Variants in VRK2 observed in about 807,000 individuals in gnomAD.
VRK2 encodes the protein VRK serine/threonine kinase 2, also known as serine/threonine-protein kinase VRK2.
VRK2 carries 60 observed loss-of-function variants against 57.6 expected under a neutral mutation model. The ratio of observed to expected loss-of-function variants is 1.04; its 90% CI spans 0.85 to 1.29. The LOEUF (loss-of-function observed/expected upper bound fraction) is 1.29. Ranked by LOEUF, VRK2 falls within the 50% of genes most tolerant of loss-of-function variation. The pLI, the probability that VRK2 is intolerant of heterozygous loss-of-function variation, is 0.00. For missense variants in VRK2, 705 were observed against 588.1 expected (o/e 1.20, Z -2.06); for synonymous variants, 231 against 199.2 (o/e 1.16, Z -1.35).
intron 10 of VRK2, among the ~76,000 whole-genome samples, chr2:58,138,613 T>G (rs1680882955): frequency 6.6e-6 from 1 of 152,152 alleles, no homozygotes; most frequent in Non-Finnish European, 1.5e-5. Context: ...GCAGTTTTCC[T>G]TTCTTTTGAG....
chr2:58,148,810 C>G (rs970182747), intron 12 of VRK2, among the ~76,000 whole-genome samples: 3 of 151,722 alleles, frequency 2.0e-5, no homozygotes. Flanking sequence ...AGTCAGCTAA[C>G]TGTGTGTGTG....
At chr2:57,950,359 C>T (rs1671390621) in intron 1 of VRK2, among the ~76,000 whole-genome samples, 1 of 152,188 alleles carries the variant, frequency 6.6e-6, no homozygotes, top group Non-Finnish European at 1.5e-5. Flanking sequence ...AGCCAATGCT[C>T]ACTTACCATT....
intron 12 of VRK2, among the ~76,000 whole-genome samples, chr2:58,151,112 T>A (rs1040259384): frequency 6.6e-6 from 1 of 151,780 alleles, no homozygotes; most frequent in East Asian, 1.9e-4. Flanking sequence ...AGTGTTCAAA[T>A]CTTATATATT....
In VRK2 at chr2:57,923,193, A is replaced by G. The variant is rs529219090; in HGVS notation, c.-439+15354A>G. ...TGCTGCAATAAACATAGAAGTGCAG[A>G]TATCTCTCCTATAAACTGATTTCTA... On this transcript the variant is annotated intron_variant, in intron 1 of 15. Coordinates refer to the VRK2 transcript ENST00000417641. Among the ~76,000 whole-genome samples the G allele has an allele frequency of 2.6e-4, 40 of 152,186 alleles. No individual in the cohort carries two copies. The South Asian group carries it at 8.1e-3, about 31-fold the overall frequency.
intron 1 of VRK2, among the ~76,000 whole-genome samples, chr2:57,992,745 C>G (rs1378654103): frequency 3.3e-5 from 5 of 151,886 alleles, no homozygotes; most frequent in Admixed American, 3.3e-4. Flanking sequence ...ACCTTGTTAG[C>G]CAGGATGGTC....
At chr2:58,100,551 A>G (rs1429086896) in intron 7 of VRK2, among the ~76,000 whole-genome samples, 1 of 151,812 alleles carries the variant, frequency 6.6e-6, no homozygotes, top group Non-Finnish European at 1.5e-5. Context: ...GTATATTTTC[A>G]GATAAGCAAA....
chr2:57,973,070 C>T (rs895571806), intron 1 of VRK2, among the ~76,000 whole-genome samples: 4 of 151,758 alleles, frequency 2.6e-5, no homozygotes, highest in African/African-American at 9.7e-5. Context: ...AGTGTAAATG[C>T]TTATGAGTTT....
At chr2:57,946,637 T>G (rs979535008) in intron 1 of VRK2, among the ~76,000 whole-genome samples, 2 of 152,172 alleles carry the variant, frequency 1.3e-5, no homozygotes, top group Non-Finnish European at 2.9e-5. Flanking sequence ...AGGTCATATT[T>G]TGAGATTCAG....
intron 3 of VRK2, among the ~76,000 whole-genome samples, chr2:58,084,497 G>T (rs903176435): frequency 1.3e-5 from 2 of 151,808 alleles, no homozygotes; most frequent in African/African-American, 4.8e-5. Flanking sequence ...AGACCATTCA[G>T]TAAAGGTATC....
At chr2:58,042,770 GATCT>G (rs557939721), upstream of VRK2, among the ~76,000 whole-genome samples, 13 of 152,252 alleles carry the variant, frequency 8.5e-5, no homozygotes, top group Non-Finnish European at 1.3e-4. Flanking sequence ...TAGCCTGTAA[GATCT>G]ATCAAAATAG....
chr2:57,924,745 A>G (rs1008268356), intron 1 of VRK2, among the ~76,000 whole-genome samples: 1 of 152,010 alleles, frequency 6.6e-6, no homozygotes. Context: ...AATACGTTGA[A>G]TAACAGTGGT....
chr2:58,116,297 A>G (rs1676472080), intron 7 of VRK2, among the ~76,000 whole-genome samples: 2 of 151,292 alleles, frequency 1.3e-5, no homozygotes, highest in South Asian at 4.1e-4. Context: ...GAGGACGCAA[A>G]GGAGGCTTTG....
intron 1 of VRK2, among the ~76,000 whole-genome samples, chr2:57,958,698 T>A (rs13416900): frequency 0.06 from 9,198 of 152,180 alleles, 946 homozygotes; most frequent in African/African-American, 0.21. Flanking sequence ...GATCCCTGCA[T>A]GATTTAGACA....
chr2:57,998,000 A>G lies in VRK2; in HGVS notation c.-438-27665A>G, dbSNP rs1672978322. 4.6e-5 allele frequency among the ~76,000 whole-genome samples: 7 copies of G among 152,356 alleles called. No individual in the cohort carries two copies. The South Asian group carries it at 1.4e-3, about 32-fold the overall frequency. ...ATTTGATAACTATTATGACATAGAC[A>G]CATAATGATCAGAACACAAGTCTAT... On this transcript the variant is annotated intron_variant, in intron 1 of 15. Coordinates refer to the VRK2 transcript ENST00000417641.
chr2:58,070,314 A>T (rs1230713984), intron 2 of VRK2, among the ~76,000 whole-genome samples: 1 of 151,992 alleles, frequency 6.6e-6, no homozygotes, highest in East Asian at 1.9e-4. Context: ...CCTCTCAAGT[A>T]GTTGGGGTTA....
At chr2:58,095,047 G>A (rs1393632663) in intron 7 of VRK2, among the ~76,000 whole-genome samples, 1 of 152,168 alleles carries the variant, frequency 6.6e-6, no homozygotes, top group East Asian at 1.9e-4. Context: ...TGTAATCTCA[G>A]CACTTTGGGA....
At chr2:58,127,069 T>C (rs1480597483) in intron 8 of VRK2, among the ~76,000 whole-genome samples, 1 of 152,128 alleles carries the variant, frequency 6.6e-6, no homozygotes, top group African/African-American at 2.4e-5. Context: ...CCATAAAATA[T>C]GATATCTAAA....
At chr2:58,141,337 A>G (rs1266747481) in intron 11 of VRK2, among the ~76,000 whole-genome samples, 1 of 152,022 alleles carries the variant, frequency 6.6e-6, no homozygotes, top group Non-Finnish European at 1.5e-5. Context: ...CTGATATAAA[A>G]TTCTGATTAT....
At chr2:58,033,597 TA>T (rs1674183061) in intron 3 of VRK2, 1 of 152,094 alleles carries the variant, frequency 6.6e-6, no homozygotes, top group South Asian at 2.1e-4. Context: ...AAGTTTGTGG[TA>T]ATTTGTTAAT....
Sources: allele counts gnomAD v4.1 joint callset (sites outside exome capture counted in the v4.1 genomes callset), GRCh38; gene constraint gnomAD v4.1.1; transcripts MANE v1.5; gene names NCBI Gene and HGNC (gene_info 2026-07-23, HGNC 2026-07-21).